WNK3: variants seen among roughly 807,000 people sequenced by gnomAD.
WNK3 encodes WNK lysine deficient protein kinase 3, also known as serine/threonine-protein kinase WNK3.
In WNK3, 18 loss-of-function variants were observed where a neutral mutation model predicts 116.7. That is an observed-to-expected ratio of 0.15 (90% CI 0.11 to 0.23). WNK3 has a LOEUF of 0.23. WNK3 is among the 10% of genes least tolerant of loss of function. The pLI is 1.00. For synonymous variants in WNK3, 404 were observed against 469.4 expected (o/e 0.86, Z 1.80); for missense variants, 993 against 1,323.8 (o/e 0.75, Z 3.88).
At chrX:54,221,620 G>T (rs1557146527) in intron 22 of WNK3, among the ~76,000 whole-genome samples, 1 of 111,033 alleles carries the variant, frequency 9.0e-6, no homozygotes, top group Non-Finnish European at 1.9e-5. Context: ...ATCACCTGAG[G>T]TTAGGAGTTT....
At chrX:54,289,273 G>A (rs1012812655) in intron 10 of WNK3, among the ~76,000 whole-genome samples, 1 of 111,142 alleles carries the variant, frequency 9.0e-6, no homozygotes, top group Non-Finnish European at 1.9e-5. Context: ...GACTGGCAGT[G>A]AATAAACAGG....
At chrX:54,284,390 T>C (rs2068555777) in intron 10 of WNK3, among the ~76,000 whole-genome samples, 1 of 111,566 alleles carries the variant, frequency 9.0e-6, no homozygotes, top group African/African-American at 3.3e-5. Flanking sequence ...AAAATGCTGG[T>C]GAGGGTGTGG....
intron 7 of WNK3, among the ~76,000 whole-genome samples, chrX:54,295,655 T>C (rs1158033448): frequency 9.0e-6 from 1 of 111,653 alleles, no homozygotes; most frequent in Admixed American, 9.6e-5. Flanking sequence ...CTGAAGGTAA[T>C]AGAGTAAGTG....
chrX:54,250,706 T>C (rs2068119638), intron 15 of WNK3, among the ~76,000 whole-genome samples: 1 of 111,254 alleles, frequency 9.0e-6, no homozygotes, highest in South Asian at 3.8e-4. Context: ...CCTAACACAG[T>C]CAAACTAAAT....
intron 17 of WNK3, among the ~76,000 whole-genome samples, chrX:54,241,796 A>T (rs1557151622): frequency 9.1e-6 from 1 of 109,994 alleles, no homozygotes; most frequent in East Asian, 2.8e-4. Context: ...TCTACCAAAA[A>T]TATAAAAATT....
At chrX:54,281,998 T>C (rs2068521770) in intron 10 of WNK3, among the ~76,000 whole-genome samples, 2 of 27,627 alleles carry the variant, frequency 7.2e-5, no homozygotes, top group African/African-American at 3.1e-4. Flanking sequence ...GATTGTATCA[T>C]AGTTTTTTTT....
chrX:54,273,252 T>G (rs970199253), intron 10 of WNK3, among the ~76,000 whole-genome samples: 1 of 112,353 alleles, frequency 8.9e-6, no homozygotes, highest in Non-Finnish European at 1.9e-5. Context: ...ACATCTGTCT[T>G]ACCAACTACC....
chrX:54,237,379 T>C, exon 20 of WNK3: 2 of 1,208,889 alleles, frequency 1.7e-6, no homozygotes, highest in East Asian at 3.0e-5. Context: ...TAACTTCTCA[T>C]AAGAAAACGA....
exon 2 of WNK3, chrX:54,333,408 C>T: frequency 1.7e-6 from 2 of 1,211,975 alleles, no homozygotes; most frequent in Non-Finnish European, 1.1e-6. Context: ...CTTATCTACT[C>T]TTGGAATATT....
Position 54,198,231 on chromosome X carries a change from A to G in WNK3, c.*93T>C, listed in dbSNP as rs2067464311. ...AAAGTAAACTCAAATGAGGGAAAAT[A>G]TGACAGAACCCAAGAGGAAGAAACT... is the stretch of plus-strand genomic sequence containing the variant. On this transcript the variant is annotated 3_prime_UTR_variant, in exon 24 of 24. Transcript: ENST00000354646. 7.3e-6 allele frequency: 6 copies of G among 825,029 alleles called. No homozygotes were observed. The Admixed American group carries it at 2.6e-4, about 35-fold the overall frequency. 68.0% of individuals were successfully genotyped at this position (825,029 alleles called of 1,213,427 possible). A position where few individuals can be genotyped will look rare whatever the true frequency, so the allele number is the denominator to read the frequency against.
At chrX:54,205,995 A>G (rs1407469998) in intron 22 of WNK3, among the ~76,000 whole-genome samples, 1 of 111,845 alleles carries the variant, frequency 8.9e-6, no homozygotes, top group Non-Finnish European at 1.9e-5. Context: ...AGTTTCAGTG[A>G]TCACTCCACT....
intron 22 of WNK3, among the ~76,000 whole-genome samples, chrX:54,215,266 A>T (rs2067674312): frequency 9.1e-6 from 1 of 110,411 alleles, no homozygotes; most frequent in South Asian, 3.9e-4. Flanking sequence ...TACTGCCGCC[A>T]TCTTGGCTCA....
chrX:54,320,619 C>T (rs1295914419), intron 2 of WNK3, among the ~76,000 whole-genome samples: 3 of 110,009 alleles, frequency 2.7e-5, no homozygotes, highest in Non-Finnish European at 5.7e-5. Flanking sequence ...AACTCCTGGG[C>T]TCACATGATC....
intron 22 of WNK3, among the ~76,000 whole-genome samples, chrX:54,213,382 G>A (rs1313293939): frequency 9.3e-6 from 1 of 107,714 alleles, no homozygotes; most frequent in African/African-American, 3.4e-5. Context: ...GTGAAACCGA[G>A]TCTCTACTAA....
exon 2 of WNK3, chrX:54,333,536 G>C (rs1333566428): frequency 8.3e-7 from 1 of 1,209,727 alleles, no homozygotes; most frequent in East Asian, 3.0e-5. Context: ...CAGAAGCAGA[G>C]AAGGTACTGT....
At chrX:54,214,648 T>A (rs2067661226) in intron 22 of WNK3, among the ~76,000 whole-genome samples, 1 of 111,465 alleles carries the variant, frequency 9.0e-6, no homozygotes, top group Admixed American at 9.6e-5. Context: ...CAGCTCAGCG[T>A]TGTGGTAGCC....
At chrX:54,243,712 T>C (rs149932605) in intron 17 of WNK3, among the ~76,000 whole-genome samples, 1 of 111,872 alleles carries the variant, frequency 8.9e-6, no homozygotes, top group African/African-American at 3.2e-5. Flanking sequence ...CTGGTGGGAA[T>C]GTAAAATGGT....
At chrX:54,262,029 T>C (rs2068261733) in intron 10 of WNK3, among the ~76,000 whole-genome samples, 1 of 111,841 alleles carries the variant, frequency 8.9e-6, no homozygotes, top group African/African-American at 3.2e-5. Context: ...CTACATTTGG[T>C]ATTTGCTATC....
At chrX:54,242,056 C>T (rs1284859887) in intron 17 of WNK3, among the ~76,000 whole-genome samples, 1 of 110,411 alleles carries the variant, frequency 9.1e-6, no homozygotes, top group Non-Finnish European at 1.9e-5. Flanking sequence ...ATAGAAAATC[C>T]AAAATAATCC....
Sources: gnomAD v4.1 joint callset for allele counts (sites outside exome capture counted in the v4.1 genomes callset) on GRCh38, gnomAD v4.1.1 for gene constraint, MANE v1.5 for transcripts, NCBI Gene and HGNC (gene_info 2026-07-23, HGNC 2026-07-21) for gene names.